Variants in GOLGA8H observed in about 807,000 individuals in gnomAD.
GOLGA8H encodes golgin subfamily A member 8H.
In GOLGA8H, 47 loss-of-function variants were observed where a neutral mutation model predicts 82.7. The ratio of observed to expected loss-of-function variants is 0.57; its 90% confidence interval spans 0.45 to 0.73. The LOEUF is 0.73. GOLGA8H is among the 30% of genes least tolerant of loss of function. The pLI, the probability that GOLGA8H is intolerant of heterozygous loss-of-function variation, is 0.00. For synonymous variants in GOLGA8H, 108 were observed against 241.6 expected (o/e 0.45, Z 5.13); for missense variants, 372 against 661.0 (o/e 0.56, Z 4.79).
In GOLGA8H at chr15:30,615,365, G is replaced by A. The variant is rs923713617; in HGVS notation, c.*804G>A. ...AGCTGCAGCAGTTGCACTCTTTTTC[G>A]ATGACCTAAAAAGGGCTTATTTCTG... On this transcript the variant is annotated 3_prime_UTR_variant, in exon 19 of 19. Coordinates refer to ENST00000566740, the MANE Select transcript of GOLGA8H (RefSeq NM_001282490.2). Among the ~76,000 whole-genome samples the A allele has an allele frequency of 7.9e-5, 12 of 151,796 alleles. No individual in the cohort carries two copies. The highest frequency in any genetic ancestry group is 1.5e-4 in the African/African-American group (6 of 41,318).
rs989512499 is a variant in GOLGA8H at position 30,615,391 on chromosome 15, A to T, written c.*830A>T. ...ATGACCTAAAAAGGGCTTATTTCTG[A>T]GGAATGAAAGGTTCCCATCATTGAC... is the stretch of plus-strand genomic sequence containing the variant. On this transcript the variant is annotated 3_prime_UTR_variant, in exon 19 of 19. Coordinates refer to ENST00000566740, the MANE Select transcript of GOLGA8H (RefSeq NM_001282490.2). Among the ~76,000 whole-genome samples, 4 of 151,976 alleles carry T rather than the reference A, an allele frequency of 2.6e-5. No individual in the cohort carries two copies. The highest frequency in any genetic ancestry group is 9.7e-5 in the African/African-American group (4 of 41,370).
At position 30,615,360 on chromosome 15, in the gene GOLGA8H, T is replaced by G. The variant is rs546386917; in HGVS notation, c.*799T>G. ...TCATGAGCTGCAGCAGTTGCACTCT[T>G]TTTCGATGACCTAAAAAGGGCTTAT... On this transcript the variant is annotated 3_prime_UTR_variant, in exon 19 of 19. Transcript: ENST00000566740. Among the ~76,000 whole-genome samples, 68 of 152,034 alleles carry G rather than the reference T, an allele frequency of 4.5e-4. No individual in the cohort carries two copies. The highest frequency in any genetic ancestry group is 1.6e-3 in the African/African-American group (68 of 41,500).
chr15:30,607,813 G>T, intron 4 of GOLGA8H: 1 of 593,372 alleles, frequency 1.7e-6, no homozygotes, highest in Non-Finnish European at 3.0e-6. Flanking sequence ...AGAGATTCCA[G>T]ATTCAGACTT....
At chr15:30,612,773 T>TG in intron 14 of GOLGA8H, 101 bp downstream of exon 14, 1 of 1,161,776 alleles carries the variant, frequency 8.6e-7, no homozygotes, top group East Asian at 2.5e-5. Context: ...TTAGAACAGC[T>TG]GGTCATTATG....
Position 30,610,293 on chromosome 15 carries a change from T to C in GOLGA8H, c.787-9T>C. 1 of 1,092,098 alleles carries C rather than the reference T, an allele frequency of 9.2e-7. No individual in the cohort carries two copies. Among genetic ancestry groups the C allele is most frequent in the South Asian group, 1.3e-5 (1 of 75,592 alleles). The allele number at this position is 1,092,098 out of a possible 1,614,324, so 67.7% of individuals were successfully genotyped here. ...TCTCCAAGGCCCTTTCCCCTTGTGC[T>C]TTGGGCAGATTTGCACATTAAAGAA... On this transcript the variant is annotated splice_polypyrimidine_tract_variant and intron_variant, in intron 10 of 18. Transcript: ENST00000566740.
chr15:30,609,647 C>G (rs1299809184), intron 8 of GOLGA8H, among the ~76,000 whole-genome samples, 159 bp from the exon 9 acceptor site: 2 of 151,780 alleles, frequency 1.3e-5, no homozygotes, highest in African/African-American at 4.9e-5. Context: ...TCCGTTCCAA[C>G]TTTACTGTGT....
chr15:30,608,927 G>GT lies in GOLGA8H; in HGVS notation c.591+172dup, dbSNP rs2059971191. Among the ~76,000 whole-genome samples, 3 of 131,298 alleles carry GT rather than the reference G, an allele frequency of 2.3e-5. No individual in the cohort carries two copies. The South Asian group carries it at 6.9e-4, about 30-fold the overall frequency. 86.1% of individuals were successfully genotyped at this position (131,298 alleles called of 152,430 possible). The stretch of plus-strand genomic sequence containing the variant: ...GCAGCCTGGGGCTGAGTCAGCTGCT[G>GT]TGGGTGAGTTGGGGGTCACTGTGTG... On this transcript the variant is annotated intron_variant, in intron 8 of 18. Coordinates refer to ENST00000566740, the MANE Select transcript of GOLGA8H (RefSeq NM_001282490.2).
At position 30,615,289 on chromosome 15, in the gene GOLGA8H, G is replaced by C. The variant is rs2060091579; in HGVS notation, c.*728G>C. Among the ~76,000 whole-genome samples, 1 of 151,846 alleles carries C rather than the reference G, an allele frequency of 6.6e-6. No homozygotes were observed. Among genetic ancestry groups the C allele is most frequent in the South Asian group, 2.1e-4 (1 of 4,802 alleles). On this transcript the variant is annotated 3_prime_UTR_variant, in exon 19 of 19. Coordinates refer to ENST00000566740, the MANE Select transcript of GOLGA8H (RefSeq NM_001282490.2). Reference sequence around the variant, plus strand: ...CAGGAATTAGCAGTGTATTATGGTGGTTCCCTTAGGATTTGTATGTGCTCT... The same window carrying C: ...CAGGAATTAGCAGTGTATTATGGTGCTTCCCTTAGGATTTGTATGTGCTCT...
At chr15:30,610,199 C>G (rs2059996433) in intron 10 of GOLGA8H, 93 bp downstream of exon 10, 1 of 1,542,188 alleles carries the variant, frequency 6.5e-7, no homozygotes, top group Admixed American at 1.7e-5. Context: ...CAGAGGTGGT[C>G]ATGGGTCTGG....
rs991369595 is a variant in GOLGA8H, at chr15:30,615,118, C to T, written c.*557C>T. Among the ~76,000 whole-genome samples, 8 of 151,990 alleles carry T rather than the reference C, an allele frequency of 5.3e-5. No homozygotes were observed. The highest frequency in any genetic ancestry group is 1.7e-4 in the African/African-American group (7 of 41,464). On this transcript the variant is annotated 3_prime_UTR_variant, in exon 19 of 19. Coordinates refer to ENST00000566740, the MANE Select transcript of GOLGA8H (RefSeq NM_001282490.2). ...TTTAGAGTTGTTTAAAGGCCAAGAACTGGAAACAGCCTTTCCTCCATTTTC... is the reference window on the plus strand; with the variant it reads ...TTTAGAGTTGTTTAAAGGCCAAGAATTGGAAACAGCCTTTCCTCCATTTTC...
chr15:30,606,449 CCT>C (rs1387757891), intron 2 of GOLGA8H, among the ~76,000 whole-genome samples: 4 of 151,124 alleles, frequency 2.6e-5, no homozygotes, highest in Non-Finnish European at 5.9e-5. Context: ...CCTCATCGGG[CCT>C]CTCTTTTCAC....
chr15:30,613,094 C>T lies in GOLGA8H; in HGVS notation c.1277-10C>T, dbSNP rs567512276. ...GGTTGTCTGAAGACCCCTCTGGCCA[C>T]CCCCCACAGGACACGGAGGAGAACA... is the stretch of plus-strand genomic sequence containing the variant. On this transcript the variant is annotated splice_polypyrimidine_tract_variant and intron_variant, in intron 14 of 18. Coordinates refer to ENST00000566740, the MANE Select transcript of GOLGA8H (RefSeq NM_001282490.2). 3.1e-5 allele frequency: 38 copies of T among 1,220,224 alleles called. No homozygotes were observed. The East Asian group carries it at 6.1e-4, about 20-fold the overall frequency. The allele number at this position is 1,220,224 out of a possible 1,614,324, so 75.6% of individuals were successfully genotyped here.
rs770105 is a variant in GOLGA8H, at chr15:30,605,806, C to T, written c.49-37C>T. 139 of 1,590,348 alleles carry T rather than the reference C, an allele frequency of 8.7e-5. 3 individuals carry two copies. In the East Asian group the frequency reaches 2.0e-3, roughly 23 times the overall value. ...AGGAGGATGTGGCTGCAGGGGCTGA[C>T]GGTTCTCATGAGTATTACTGCTCTT... is the stretch of plus-strand genomic sequence containing the variant. On this transcript the variant is annotated intron_variant, in intron 1 of 18. Transcript: ENST00000566740.
intron 8 of GOLGA8H, 116 bp from the exon 9 acceptor site, chr15:30,609,690 G>C: frequency 7.2e-7 from 1 of 1,379,646 alleles, no homozygotes; most frequent in South Asian, 1.2e-5. Context: ...GCTTGGAAAT[G>C]CCTTGATCTT....
At position 30,607,706 on chromosome 15, in the gene GOLGA8H, G is replaced by A. The variant is rs922778167; in HGVS notation, c.310-324G>A. 31 of 583,432 alleles carry A rather than the reference G, an allele frequency of 5.3e-5. 2 individuals carry two copies. The highest frequency in any genetic ancestry group is 4.2e-4 in the African/African-American group (22 of 52,900). 36.1% of individuals were successfully genotyped at this position (583,432 alleles called of 1,614,324 possible). ...CCTGGTCCATACATGCTCAGTAAAT[G>A]TTTATTGAATGAACCCACTTCTCTA... is the stretch of plus-strand genomic sequence containing the variant. On this transcript the variant is annotated intron_variant, in intron 4 of 18. Transcript: ENST00000566740.
rs535227968 is a variant in GOLGA8H at position 30,608,531 on chromosome 15, G to A, written c.461G>A (p.Arg154His). 6.2e-5 allele frequency: 100 copies of A among 1,610,534 alleles called. 3 individuals carry two copies. Among genetic ancestry groups the A allele is most frequent in the Middle Eastern group, 4.3e-4 (2 of 4,664 alleles). The change falls in exon 7 of 19, where the codon CGT becomes CAT. Residue 154 changes from arginine (R) to histidine (H), a missense_variant. Transcript: ENST00000566740. ...KLNTDLYHMK[R>H]SLRYFEEKSK... is the part of the protein sequence containing the mutation. ...AATACGGACCTGTACCACATGAAAC[G>A]TTCTCTCAGATACTTTGAAGGTGGG...
chr15:30,613,908 G>A (rs1222421162), intron 16 of GOLGA8H, 38 bp downstream of exon 16: 2 of 1,575,926 alleles, frequency 1.3e-6, no homozygotes, highest in Non-Finnish European at 1.7e-6. Context: ...GGGAGCTACA[G>A]GGCCGTCGGA....
intron 5 of GOLGA8H, 122 bp from the exon 6 acceptor site, chr15:30,608,209 C>G: frequency 8.6e-7 from 1 of 1,159,460 alleles, no homozygotes; most frequent in Non-Finnish European, 1.2e-6. Flanking sequence ...CCACAGGGCC[C>G]CTGATAACCT....
intron 5 of GOLGA8H, 32 bp downstream of exon 5, chr15:30,608,100 T>TG: frequency 1.3e-6 from 2 of 1,556,618 alleles, no homozygotes; most frequent in Non-Finnish European, 1.7e-6. Flanking sequence ...GCAACATGAC[T>TG]GCTGGGTTTG....
Sources: gnomAD v4.1 joint callset for allele counts (sites outside exome capture counted in the v4.1 genomes callset) on GRCh38, gnomAD v4.1.1 for gene constraint, MANE v1.5 for transcripts, NCBI Gene and HGNC (gene_info 2026-07-23, HGNC 2026-07-21) for gene names.